The following ACSS3 variants were observed in gnomAD, a reference collection of about 807,000 sequenced individuals.
ACSS3 encodes acyl-CoA synthetase short-chain family member 3, mitochondrial.
ACSS3 carries 64 observed loss-of-function variants against 84.2 expected under a neutral mutation model. The observed-to-expected ratio is 0.76, with a 90% confidence interval of 0.62 to 0.94. The LOEUF is 0.94. ACSS3 is among the 40% of genes least tolerant of loss of function. ACSS3 has a pLI of 0.00. For synonymous variants in ACSS3, 317 were observed against 310.1 expected, an observed-to-expected ratio of 1.02 and a Z score of -0.23; for missense variants, 815 against 867.6, an observed-to-expected ratio of 0.94 and a Z score of 0.76.
At chr12:81,105,651 C>T (rs1359006305) in intron 1 of ACSS3, among the ~76,000 whole-genome samples, 2 of 152,194 alleles carry the variant, frequency 1.3e-5, no homozygotes, top group Non-Finnish European at 2.9e-5. Flanking sequence ...AGTTTAGTAA[C>T]ATTCTCATTC....
intron 11 of ACSS3, among the ~76,000 whole-genome samples, chr12:81,221,210 TGAAA>T (rs2033094367): frequency 6.6e-6 from 1 of 152,076 alleles, no homozygotes; most frequent in South Asian, 2.1e-4. Context: ...TTTTAATAAT[TGAAA>T]GAGAGATTGC....
At chr12:81,223,462 T>C (rs149730441) in intron 11 of ACSS3, among the ~76,000 whole-genome samples, 42 of 152,180 alleles carry the variant, frequency 2.8e-4, no homozygotes, top group African/African-American at 9.1e-4. Context: ...TGAGTATAAC[T>C]AAGCATGTCA....
intron 4 of ACSS3, 110 bp from the exon 5 acceptor site, chr12:81,142,997 A>C: frequency 9.8e-7 from 1 of 1,020,982 alleles, no homozygotes; most frequent in Non-Finnish European, 1.3e-6. Context: ...AGTGCCATAT[A>C]GGCCTAGATT....
At chr12:81,237,661 A>G (rs2033670880) in intron 13 of ACSS3, among the ~76,000 whole-genome samples, 1 of 151,740 alleles carries the variant, frequency 6.6e-6, no homozygotes, top group Non-Finnish European at 1.5e-5. Flanking sequence ...AGTTAGGATC[A>G]GACTACATAG....
chr12:81,220,296 T>C (rs1330650696), intron 11 of ACSS3, among the ~76,000 whole-genome samples: 1 of 152,062 alleles, frequency 6.6e-6, no homozygotes, highest in East Asian at 1.9e-4. Context: ...ATTTTGCATA[T>C]TTTTAAATAA....
intron 13 of ACSS3, among the ~76,000 whole-genome samples, chr12:81,240,568 A>G (rs775086460): frequency 6.6e-6 from 1 of 152,008 alleles, no homozygotes; most frequent in Non-Finnish European, 1.5e-5. Context: ...CTGAATTAAC[A>G]TTTACCAGAT....
intron 1 of ACSS3, among the ~76,000 whole-genome samples, chr12:81,105,896 C>CT (rs1163411169): frequency 2.0e-5 from 3 of 152,132 alleles, no homozygotes; most frequent in African/African-American, 7.2e-5. Context: ...TACACAGGTA[C>CT]ACAGGGCTTT....
At chr12:81,128,005 A>G (rs896071932) in intron 2 of ACSS3, among the ~76,000 whole-genome samples, 4 of 152,128 alleles carry the variant, frequency 2.6e-5, no homozygotes, top group African/African-American at 9.7e-5. Context: ...TTTAGTTTTC[A>G]TTATTCATAG....
intron 2 of ACSS3, 93 bp from the exon 3 acceptor site, chr12:81,134,723 G>A (rs1247031146): frequency 8.6e-7 from 1 of 1,157,450 alleles, no homozygotes; most frequent in Non-Finnish European, 1.1e-6. Flanking sequence ...CTACTACCAA[G>A]CGGGTGATCA....
At chr12:81,199,502 G>A (rs778337223) in intron 9 of ACSS3, 58 bp downstream of exon 9, 55 of 1,549,336 alleles carry the variant, frequency 3.5e-5, no homozygotes, top group Non-Finnish European at 4.6e-5. Flanking sequence ...AAAGCTGCAA[G>A]GATTGGAGGA....
chr12:81,221,120 A>G (rs530711663), intron 11 of ACSS3, among the ~76,000 whole-genome samples: 1 of 152,208 alleles, frequency 6.6e-6, no homozygotes, highest in South Asian at 2.1e-4. Context: ...AATTACATCA[A>G]GACGTGTACT....
intron 11 of ACSS3, among the ~76,000 whole-genome samples, chr12:81,227,149 C>T (rs1302710756): frequency 6.6e-6 from 1 of 151,902 alleles, no homozygotes; most frequent in African/African-American, 2.4e-5. Context: ...GAAGGCAGAA[C>T]TCCCTCTTCC....
At chr12:81,167,563 G>C (rs2135800382) in intron 7 of ACSS3, among the ~76,000 whole-genome samples, 1 of 152,248 alleles carries the variant, frequency 6.6e-6, no homozygotes, top group Non-Finnish European at 1.5e-5. Flanking sequence ...GTGTCCTCCA[G>C]AGAGGAGGAC....
intron 13 of ACSS3, among the ~76,000 whole-genome samples, chr12:81,240,653 A>C (rs892810064): frequency 1.3e-5 from 2 of 151,696 alleles, no homozygotes; most frequent in Non-Finnish European, 2.9e-5. Context: ...TTTTGTGGTT[A>C]TAATTGAACA....
At position 81,253,723 on chromosome 12, in the gene ACSS3, C is replaced by T. The variant is rs573857142; in HGVS notation, c.1995+53C>T. 3.8e-6 allele frequency: 6 copies of T among 1,562,854 alleles called. No homozygotes were observed. The East Asian group carries it at 6.8e-5, about 18-fold the overall frequency. On this transcript the variant is annotated intron_variant, in intron 15 of 15. Transcript: ENST00000548058. Reference sequence around the variant, plus strand: ...GGTTCTAAGATATTTTTCTTCATTTCTTTGGCATCAGCAAAGCTCTTAAAA... The same window carrying T: ...GGTTCTAAGATATTTTTCTTCATTTTTTTGGCATCAGCAAAGCTCTTAAAA...
intron 11 of ACSS3, among the ~76,000 whole-genome samples, chr12:81,230,272 G>C (rs1358737243): frequency 6.6e-6 from 1 of 151,758 alleles, no homozygotes; most frequent in Non-Finnish European, 1.5e-5. Context: ...TTTGTTAGTA[G>C]GCACTTCCTA....
intron 2 of ACSS3, among the ~76,000 whole-genome samples, chr12:81,119,254 AT>A (rs944729204): frequency 1.8e-4 from 28 of 152,254 alleles, no homozygotes; most frequent in African/African-American, 5.5e-4. Context: ...CAAAGATCAC[AT>A]GCTTCTGAGG....
At chr12:81,101,876 A>G (rs1035634347) in intron 1 of ACSS3, among the ~76,000 whole-genome samples, 15 of 151,994 alleles carry the variant, frequency 9.9e-5, no homozygotes, top group African/African-American at 3.4e-4. Flanking sequence ...TTTTGTTTTC[A>G]TCAGTGGATA....
Position 81,144,976 on chromosome 12 carries a change from C to G in ACSS3, c.921+1729C>G, listed in dbSNP as rs1156728523. ...AGTGCAGTGGCGCGATCTCGGCTCA[C>G]TGCAAGCTCCACCTCCCGGGTTCAC... On this transcript the variant is annotated intron_variant, in intron 5 of 15. Coordinates refer to ENST00000548058, the MANE Select transcript of ACSS3 (RefSeq NM_024560.4). Among the ~76,000 whole-genome samples, 2 of 146,404 alleles carry G rather than the reference C, an allele frequency of 1.4e-5. 1 individual carries two copies. Among genetic ancestry groups the G allele is most frequent in the Non-Finnish European group, 3.0e-5 (2 of 66,898 alleles).
Sources: gnomAD v4.1 joint callset for allele counts (sites outside exome capture counted in the v4.1 genomes callset) on GRCh38, gnomAD v4.1.1 for gene constraint, MANE v1.5 for transcripts, NCBI Gene and HGNC (gene_info 2026-07-23, HGNC 2026-07-21) for gene names.